The following COL23A1 variants were observed in gnomAD, a reference collection of about 807,000 sequenced individuals.
COL23A1 encodes the protein collagen alpha-1(XXIII) chain.
A neutral mutation model predicts 99.3 loss-of-function variants in COL23A1; 97 were observed. The ratio of observed to expected loss-of-function variants is 0.98; its 90% confidence interval spans 0.83 to 1.16. The LOEUF (loss-of-function observed/expected upper bound fraction) is 1.16. Ranked by LOEUF, COL23A1 falls within the 50% of genes most tolerant of loss-of-function variation. COL23A1 has a pLI of 0.00. For missense variants in COL23A1, 762 were observed against 757.4 expected (o/e 1.01, Z -0.07); for synonymous variants, 320 against 308.2 (o/e 1.04, Z -0.40).
intron 2 of COL23A1, among the ~76,000 whole-genome samples, chr5:178,483,310 T>C (rs1052568453): frequency 6.6e-6 from 1 of 151,694 alleles, no homozygotes; most frequent in Non-Finnish European, 1.5e-5. Flanking sequence ...CACATAAAAC[T>C]GAGGAATTAA....
chr5:178,557,499 G>T (rs1320016836), intron 2 of COL23A1, among the ~76,000 whole-genome samples: 1 of 152,162 alleles, frequency 6.6e-6, no homozygotes, highest in Non-Finnish European at 1.5e-5. Context: ...TGGCTGGGGC[G>T]AGAGAGAAGC....
In COL23A1 at chr5:178,252,576, G is replaced by A. The variant is rs762727439; in HGVS notation, c.982C>T (p.Pro328Ser). ...CCAGGGATCCCTGGTGGCCCTGGGG[G>A]CCCCTGTGGTCCGGGAGGCCCCTGT... ...ALKGPPGPQG[P>S]PGPPGIPGAK... Residue 328 changes from proline (P) to serine (S), a missense_variant, in exon 17 of 29, where the codon CCC becomes TCC. Coordinates refer to ENST00000390654, the MANE Select transcript of COL23A1 (RefSeq NM_173465.4). 9 of 1,611,430 alleles carry A rather than the reference G, an allele frequency of 5.6e-6. No individual in the cohort carries two copies. In the South Asian group the frequency reaches 1.0e-4, roughly 18 times the overall value.
intron 2 of COL23A1, among the ~76,000 whole-genome samples, chr5:178,334,731 C>T (rs1421625774): frequency 2.6e-5 from 4 of 152,192 alleles, no homozygotes; most frequent in Admixed American, 6.5e-5. Flanking sequence ...CTAGATGACA[C>T]GAACCAAGGG....
At chr5:178,291,625 G>A (rs1757463759) in intron 3 of COL23A1, among the ~76,000 whole-genome samples, 1 of 152,174 alleles carries the variant, frequency 6.6e-6, no homozygotes, top group Non-Finnish European at 1.5e-5. Context: ...GGTCTGGGGG[G>A]CTTGGTTCTA....
rs867581362 is a variant in COL23A1, at chr5:178,378,568, C to G, written c.362-71649G>C. Reference sequence around the variant, plus strand: ...AGGGCTGGAGGTCACTAACACCAACCCAAGAGGGAGAAGGTGGCGTGGAGA... The same window carrying G: ...AGGGCTGGAGGTCACTAACACCAACGCAAGAGGGAGAAGGTGGCGTGGAGA... On this transcript the variant is annotated intron_variant, in intron 2 of 28. Coordinates refer to ENST00000390654, the MANE Select transcript of COL23A1 (RefSeq NM_173465.4). Among the ~76,000 whole-genome samples, 11 of 152,178 alleles carry G rather than the reference C, an allele frequency of 7.2e-5. No homozygotes were observed. The South Asian group carries it at 8.3e-4, about 11-fold the overall frequency.
At chr5:178,453,196 A>G (rs1767585753) in intron 2 of COL23A1, among the ~76,000 whole-genome samples, 1 of 152,144 alleles carries the variant, frequency 6.6e-6, no homozygotes, top group Non-Finnish European at 1.5e-5. Context: ...AAAAAAGGAG[A>G]ACAAGAGACA....
chr5:178,524,263 C>A (rs189943275), intron 2 of COL23A1, among the ~76,000 whole-genome samples: 1 of 152,210 alleles, frequency 6.6e-6, no homozygotes, highest in Non-Finnish European at 1.5e-5. Flanking sequence ...CCCAGGGGAG[C>A]CCTCTTCACA....
intron 2 of COL23A1, among the ~76,000 whole-genome samples, chr5:178,404,886 C>T (rs561809145): frequency 6.6e-5 from 10 of 152,344 alleles, no homozygotes; most frequent in African/African-American, 9.6e-5. Flanking sequence ...AGGACCAGCA[C>T]ACCAGGACAA....
intron 2 of COL23A1, chr5:178,344,973 T>A: frequency 1.7e-6 from 1 of 594,974 alleles, no homozygotes; most frequent in Non-Finnish European, 3.2e-6. Context: ...ACAGAAGAGG[T>A]GAAAAAGGAA....
At chr5:178,541,898 C>T (rs528682822) in intron 2 of COL23A1, among the ~76,000 whole-genome samples, 7 of 152,180 alleles carry the variant, frequency 4.6e-5, no homozygotes, top group Non-Finnish European at 8.8e-5. Flanking sequence ...GGTGAGAAAT[C>T]GGGATTATGT....
chr5:178,418,650 C>G (rs775144195), intron 2 of COL23A1, among the ~76,000 whole-genome samples: 2 of 152,250 alleles, frequency 1.3e-5, no homozygotes, highest in Admixed American at 6.5e-5. Context: ...CAGTGACCCA[C>G]GCTGTGGAGC....
intron 2 of COL23A1, among the ~76,000 whole-genome samples, chr5:178,521,076 T>A (rs6600940): frequency 0.36 from 55,341 of 152,058 alleles, 11,540 homozygotes; most frequent in East Asian, 0.67. Context: ...CCAGCACAGC[T>A]TGTCACTGTC....
intron 2 of COL23A1, among the ~76,000 whole-genome samples, chr5:178,403,091 A>C (rs545451683): frequency 7.0e-6 from 1 of 141,886 alleles, no homozygotes; most frequent in African/African-American, 2.6e-5. Flanking sequence ...CCTGGGCAAC[A>C]GAGAGAGACT....
Position 178,347,236 on chromosome 5 carries a change from C to A in COL23A1, c.362-40317G>T, listed in dbSNP as rs116780263. ...AACACCTGAAATATGACCAGTGTGACCGAAGGACTGGATTTTATCTTTCAT... is the reference window on the plus strand; with the variant it reads ...AACACCTGAAATATGACCAGTGTGAACGAAGGACTGGATTTTATCTTTCAT... On this transcript the variant is annotated intron_variant, in intron 2 of 28. Transcript: ENST00000390654. Among the ~76,000 whole-genome samples the A allele has an allele frequency of 4.6e-3, 697 of 152,280 alleles. 8 individuals are homozygous for A. The highest frequency in any genetic ancestry group is 0.016 in the African/African-American group (653 of 41,546).
In COL23A1 at chr5:178,281,294, G is replaced by A. The variant is rs890382891; in HGVS notation, c.441+7030C>T. Among the ~76,000 whole-genome samples, 1 of 152,232 alleles carries A rather than the reference G, an allele frequency of 6.6e-6. No individual in the cohort carries two copies. The highest frequency in any genetic ancestry group is 2.4e-5 in the African/African-American group (1 of 41,460). ...TTTTGAACTACAAGAGTGCAAGAGA[G>A]CGTGTGAACGTGCGGTGCTCCATGG... On this transcript the variant is annotated intron_variant, in intron 5 of 28. Transcript: ENST00000390654. The surrounding 1 kb of genome is among the most constrained non-coding windows in gnomAD (Gnocchi z 4.0).
rs1758540740 is a variant in COL23A1 at position 178,309,350 on chromosome 5, G to A, written c.362-2431C>T. Among the ~76,000 whole-genome samples the A allele has an allele frequency of 6.6e-6, 1 of 152,122 alleles. No homozygotes were observed. Among genetic ancestry groups the A allele is most frequent in the Admixed American group, 6.5e-5 (1 of 15,282 alleles). On this transcript the variant is annotated intron_variant, in intron 2 of 28. Transcript: ENST00000390654. This position sits in a 1 kb window ranked among gnomAD's most constrained non-coding sequence, Gnocchi z 4.7. ...CTGGGCGATGCCCCCTGCAGGCCTG[G>A]AGCTGGGCAGGACTGGGGTGTTGCT...
chr5:178,326,301 T>A (rs748688876), intron 2 of COL23A1, among the ~76,000 whole-genome samples: 1 of 151,942 alleles, frequency 6.6e-6, no homozygotes, highest in African/African-American at 2.4e-5. Context: ...TTTCTGAACG[T>A]CCCTAAACAC....
chr5:178,447,141 T>G (rs1191633291), intron 2 of COL23A1, among the ~76,000 whole-genome samples: 1 of 152,048 alleles, frequency 6.6e-6, no homozygotes, highest in Admixed American at 6.5e-5. Context: ...TCACCCAGGC[T>G]GGAGTGCAGA....
chr5:178,493,788 G>C (rs1187345231), intron 2 of COL23A1, among the ~76,000 whole-genome samples: 3 of 152,198 alleles, frequency 2.0e-5, no homozygotes, highest in African/African-American at 7.2e-5. Flanking sequence ...GAACCCCTCG[G>C]GGACCATCTT....
Sources: gnomAD v4.1 joint callset for allele counts (sites outside exome capture counted in the v4.1 genomes callset) on GRCh38, gnomAD v4.1.1 for gene constraint, Gnocchi (gnomAD v3.1) non-coding constraint, MANE v1.5 for transcripts, NCBI Gene and HGNC (gene_info 2026-07-23, HGNC 2026-07-21) for gene names.